TSPAN9: variants seen among roughly 807,000 people sequenced by gnomAD.
The protein encoded by TSPAN9 is tetraspanin 9.
In TSPAN9, 16 loss-of-function variants were observed where a neutral mutation model predicts 31.0. The ratio of observed to expected loss-of-function variants is 0.52; its 90% confidence interval spans 0.35 to 0.78. The LOEUF (loss-of-function observed/expected upper bound fraction) is 0.78. Ranked by LOEUF, TSPAN9 falls within the 30% of genes least tolerant of loss-of-function variation. The pLI is 0.01. For synonymous variants in TSPAN9, 145 were observed against 121.6 expected (o/e 1.19, Z -1.27); for missense variants, 272 against 312.5 (o/e 0.87, Z 0.98).
intron 3 of TSPAN9, among the ~76,000 whole-genome samples, chr12:3,243,449 G>A (rs1473858116): frequency 1.3e-5 from 2 of 152,188 alleles, no homozygotes; most frequent in South Asian, 4.1e-4. Context: ...GCAGTTTGTG[G>A]TGCACCAGCT....
chr12:3,223,552 C>T (rs370161580), intron 3 of TSPAN9, among the ~76,000 whole-genome samples: 2 of 152,226 alleles, frequency 1.3e-5, no homozygotes, highest in African/African-American at 2.4e-5. Context: ...CAGTACTGCA[C>T]GTGTGCGTGT....
At chr12:3,171,148 C>G (rs1401564067) in intron 2 of TSPAN9, among the ~76,000 whole-genome samples, 1 of 152,172 alleles carries the variant, frequency 6.6e-6, no homozygotes, top group African/African-American at 2.4e-5. Flanking sequence ...TCTGACTTTT[C>G]TGTTTAAAGC....
chr12:3,218,497 C>T (rs563647524), intron 3 of TSPAN9, among the ~76,000 whole-genome samples: 1 of 152,368 alleles, frequency 6.6e-6, no homozygotes, highest in South Asian at 2.1e-4. Context: ...GCCAGGACTT[C>T]TCACCTGGCC....
chr12:3,118,483 AC>A (rs2098323620), intron 2 of TSPAN9, among the ~76,000 whole-genome samples: 1 of 150,502 alleles, frequency 6.6e-6, no homozygotes, highest in Admixed American at 6.6e-5. Context: ...CTGGTCTCGA[AC>A]CCCTGACCTC....
intron 6 of TSPAN9, 114 bp from the exon 7 acceptor site, chr12:3,281,084 C>T (rs1471730846): frequency 4.7e-6 from 7 of 1,498,706 alleles, no homozygotes; most frequent in Non-Finnish European, 6.2e-6. Context: ...CCTCCCTTAA[C>T]TGCAGGGTGG....
chr12:3,222,857 G>C (rs1053457677), intron 3 of TSPAN9, among the ~76,000 whole-genome samples: 3 of 152,288 alleles, frequency 2.0e-5, no homozygotes, highest in African/African-American at 7.2e-5. Context: ...AGCTGACCCT[G>C]ATCCTCACAG....
chr12:3,123,941 G>A (rs11062513), intron 2 of TSPAN9, among the ~76,000 whole-genome samples: 1,611 of 152,316 alleles, frequency 0.011, 20 homozygotes, highest in Non-Finnish European at 0.016. Flanking sequence ...GCAGGGAGGA[G>A]GCAGAGGTGA....
intron 3 of TSPAN9, among the ~76,000 whole-genome samples, chr12:3,263,978 A>G (rs1862498435): frequency 6.6e-6 from 1 of 152,198 alleles, no homozygotes; most frequent in Admixed American, 6.5e-5. Context: ...TTTACAATGA[A>G]GAGCAAGGAG....
At chr12:3,282,645 T>C (rs1347587703) in intron 8 of TSPAN9, among the ~76,000 whole-genome samples, 1 of 152,166 alleles carries the variant, frequency 6.6e-6, no homozygotes, top group African/African-American at 2.4e-5. Context: ...CTTGGCCTCC[T>C]AAAGTGCCAC....
At chr12:3,229,407 T>C (rs568440742) in intron 3 of TSPAN9, among the ~76,000 whole-genome samples, 3 of 152,332 alleles carry the variant, frequency 2.0e-5, no homozygotes, top group Non-Finnish European at 4.4e-5. Context: ...CTGCCTTCTT[T>C]CCTTCCATCC....
intron 2 of TSPAN9, among the ~76,000 whole-genome samples, chr12:3,121,153 C>T (rs868702466): frequency 6.6e-6 from 1 of 152,140 alleles, no homozygotes; most frequent in African/African-American, 2.4e-5. Context: ...GTGTGTCAGG[C>T]GGTGTGAAAT....
At chr12:3,140,952 AGAAGGCTGAAGG>A (rs1309751742) in intron 2 of TSPAN9, among the ~76,000 whole-genome samples, 1 of 148,022 alleles carries the variant, frequency 6.8e-6, no homozygotes, top group Non-Finnish European at 1.5e-5. Context: ...GGGTTATTGG[AGAAGGCTGAAGG>A]GAAGGCTGGG....
chr12:3,197,464 T>G (rs927321159), intron 2 of TSPAN9, among the ~76,000 whole-genome samples: 3 of 152,196 alleles, frequency 2.0e-5, no homozygotes, highest in African/African-American at 7.2e-5. Context: ...CTGGTGGCTG[T>G]AATACACACT....
chr12:3,105,318 A>G (rs369982609), intron 2 of TSPAN9, among the ~76,000 whole-genome samples: 22 of 151,448 alleles, frequency 1.5e-4, no homozygotes, highest in East Asian at 9.7e-4. Context: ...CATGCCCCGT[A>G]TTTTACCTAT....
Position 3,171,414 on chromosome 12 carries a change from T to C in TSPAN9, c.-17-29763T>C, listed in dbSNP as rs113695292. On this transcript the variant is annotated intron_variant, in intron 2 of 8. Coordinates refer to ENST00000011898, the MANE Select transcript of TSPAN9 (RefSeq NM_006675.5). ...AATGATTGCCCACTCTCTTCTCATGTTTTCCATAATGCCAGCCCCAACCTT... is the reference window on the plus strand; with the variant it reads ...AATGATTGCCCACTCTCTTCTCATGCTTTCCATAATGCCAGCCCCAACCTT... Among the ~76,000 whole-genome samples, 567 of 152,278 alleles carry C rather than the reference T, an allele frequency of 3.7e-3. 2 individuals carry two copies. The highest frequency in any genetic ancestry group is 0.012 in the African/African-American group (516 of 41,554).
At chr12:3,269,061 C>A in intron 3 of TSPAN9, among the ~76,000 whole-genome samples, 1 of 35,894 alleles carries the variant, frequency 2.8e-5, no homozygotes, top group African/African-American at 9.3e-5. Flanking sequence ...GCCTGCCCTC[C>A]GTGCGTTCCT....
chr12:3,109,143 A>G (rs11611348), intron 2 of TSPAN9, among the ~76,000 whole-genome samples: 20 of 151,512 alleles, frequency 1.3e-4, no homozygotes, highest in South Asian at 6.3e-4. Context: ...TCACCGTGTT[A>G]GCCAGGATGG....
chr12:3,241,334 G>A (rs909520453), intron 3 of TSPAN9, among the ~76,000 whole-genome samples: 9 of 152,160 alleles, frequency 5.9e-5, no homozygotes, highest in African/African-American at 1.7e-4. Flanking sequence ...ACACTGTGGC[G>A]TGGCATTTAT....
chr12:3,184,459 G>GA (rs992012065), intron 2 of TSPAN9, among the ~76,000 whole-genome samples: 14 of 151,794 alleles, frequency 9.2e-5, no homozygotes, highest in Non-Finnish European at 1.8e-4. Flanking sequence ...AAGAGAAAGA[G>GA]AAAAAAAAGA....
Sources: allele counts gnomAD v4.1 joint callset (sites outside exome capture counted in the v4.1 genomes callset), GRCh38; gene constraint gnomAD v4.1.1; transcripts MANE v1.5; gene names NCBI Gene and HGNC (gene_info 2026-07-23, HGNC 2026-07-21).